Variants in SH3BP5 observed in about 807,000 individuals in gnomAD.
The protein encoded by SH3BP5 is SH3 domain binding protein 5.
Under a neutral mutation model 43.3 loss-of-function variants are expected in SH3BP5, and 22 were observed. That is an observed-to-expected ratio of 0.51 (90% CI 0.36 to 0.73). SH3BP5 has a LOEUF of 0.73. Ranked by LOEUF, SH3BP5 falls within the 30% of genes least tolerant of loss-of-function variation. The pLI is 0.00. For synonymous variants in SH3BP5, 255 were observed against 225.8 expected (o/e 1.13, Z -1.16); for missense variants, 529 against 586.9 (o/e 0.90, Z 1.02).
At chr3:15,262,411 G>A in intron 4 of SH3BP5, 122 bp from the exon 5 acceptor site, 1 of 1,271,902 alleles carries the variant, frequency 7.9e-7, no homozygotes, top group Non-Finnish European at 1.1e-6. Context: ...TGTAATCCCA[G>A]CACTTTGGGA....
intron 6 of SH3BP5, chr3:15,259,314 A>C: frequency 1.8e-6 from 1 of 560,120 alleles, no homozygotes; most frequent in Non-Finnish European, 3.2e-6. Context: ...GGGAAGCAAA[A>C]ATGGGCATCA....
intron 3 of SH3BP5, among the ~76,000 whole-genome samples, chr3:15,286,081 C>T (rs1464024030): frequency 6.6e-6 from 1 of 152,218 alleles, no homozygotes; most frequent in Admixed American, 6.5e-5. Context: ...AGTGGGAAGA[C>T]GCTCGGCATG....
intron 2 of SH3BP5, among the ~76,000 whole-genome samples, chr3:15,304,652 TA>T (rs10707360): frequency 0.56 from 84,422 of 151,612 alleles, 24,046 homozygotes; most frequent in East Asian, 0.82. Context: ...CCATCTCTAC[TA>T]AAAATACAAA....
rs1240447938 is a variant in SH3BP5, at chr3:15,254,897, A to AC, written c.*1188dup. 2 of 152,230 alleles carry AC rather than the reference A, an allele frequency of 1.3e-5. No individual in the cohort carries two copies. The highest frequency in any genetic ancestry group is 4.8e-5 in the African/African-American group (2 of 41,446). The allele number at this position is 152,230 out of a possible 1,614,324, so 9.4% of individuals were successfully genotyped here. A position where few individuals can be genotyped will look rare whatever the true frequency, so the allele number is the denominator to read the frequency against. ...TTACACTTAGTGTATTAAGACAAGT[A>AC]CAAAATAACCTTGTAATTAAGATAC... On this transcript the variant is annotated 3_prime_UTR_variant, in exon 9 of 9. Coordinates refer to ENST00000383791, the MANE Select transcript of SH3BP5 (RefSeq NM_004844.5).
chr3:15,320,635 C>CACACACACACACACACACACACACACAT (rs773355544), intron 2 of SH3BP5, among the ~76,000 whole-genome samples: 1 of 151,046 alleles, frequency 6.6e-6, no homozygotes, highest in Non-Finnish European at 1.5e-5. Flanking sequence ...CACACACACA[C>CACACACACACACACACACACACACACAT]ACACACCCCA....
intron 3 of SH3BP5, among the ~76,000 whole-genome samples, chr3:15,282,617 A>G (rs1437110025): frequency 6.6e-6 from 1 of 151,696 alleles, no homozygotes; most frequent in East Asian, 1.9e-4. Context: ...GTTTTAAACC[A>G]ATCACAATAA....
chr3:15,331,178 A>G (rs1346735732), intron 1 of SH3BP5, among the ~76,000 whole-genome samples: 1 of 152,240 alleles, frequency 6.6e-6, no homozygotes, highest in Non-Finnish European at 1.5e-5. Context: ...TTACTATGCA[A>G]ACAAAGGATC....
intron 2 of SH3BP5, among the ~76,000 whole-genome samples, chr3:15,317,487 G>A (rs1698213268): frequency 6.6e-6 from 1 of 152,216 alleles, no homozygotes; most frequent in African/African-American, 2.4e-5. Context: ...GATATGACCA[G>A]AAGGAACAAC....
chr3:15,277,564 T>C (rs1697006753), intron 3 of SH3BP5, among the ~76,000 whole-genome samples: 1 of 152,120 alleles, frequency 6.6e-6, no homozygotes, highest in Non-Finnish European at 1.5e-5. Flanking sequence ...CCCTCATGCC[T>C]GCCTGAGCTT....
chr3:15,332,971 T>G, upstream of SH3BP5: 1 of 558,160 alleles, frequency 1.8e-6, no homozygotes, highest in Non-Finnish European at 2.3e-6. Context: ...CAAAGCACAC[T>G]CATCCTCTTG....
rs141420725 is a variant in SH3BP5, at chr3:15,262,668, A to G, written c.496-379T>C. ...GAGACTCTGTCTCAAAAATAAAAAT[A>G]CTCTTTGGGCCAGGCACGGTGGCTC... On this transcript the variant is annotated intron_variant, in intron 4 of 8. Coordinates refer to ENST00000383791, the MANE Select transcript of SH3BP5 (RefSeq NM_004844.5). Among the ~76,000 whole-genome samples the G allele has an allele frequency of 9.4e-5, 14 of 149,596 alleles. No homozygotes were observed. In the South Asian group the frequency reaches 1.1e-3, roughly 11 times the overall value.
At chr3:15,327,142 C>A (rs893421988) in intron 2 of SH3BP5, among the ~76,000 whole-genome samples, 3 of 151,858 alleles carry the variant, frequency 2.0e-5, no homozygotes, top group East Asian at 3.9e-4. Context: ...ACAGCAGTGG[C>A]GGTGGGGAGG....
chr3:15,270,846 A>T, intron 3 of SH3BP5, among the ~76,000 whole-genome samples: 1 of 151,464 alleles, frequency 6.6e-6, no homozygotes, highest in African/African-American at 2.4e-5. Context: ...GAATCACTTG[A>T]ACTCAAGAGG....
chr3:15,292,379 T>C (rs1697436702), intron 3 of SH3BP5, among the ~76,000 whole-genome samples: 1 of 151,898 alleles, frequency 6.6e-6, no homozygotes, highest in Non-Finnish European at 1.5e-5. Flanking sequence ...GCAAAGGAGA[T>C]AAGAAAAAGG....
chr3:15,326,915 G>C (rs907295053), intron 2 of SH3BP5, among the ~76,000 whole-genome samples: 7 of 152,190 alleles, frequency 4.6e-5, no homozygotes, highest in African/African-American at 1.7e-4. Context: ...ATAGTATATA[G>C]TAAATAAAGT....
intron 3 of SH3BP5, among the ~76,000 whole-genome samples, chr3:15,286,658 A>T (rs1449428558): frequency 6.6e-6 from 1 of 152,148 alleles, no homozygotes; most frequent in Non-Finnish European, 1.5e-5. Context: ...GGCTCCAGAG[A>T]TCCCACCACC....
chr3:15,289,996 T>C (rs1161275231), intron 3 of SH3BP5, among the ~76,000 whole-genome samples: 1 of 152,196 alleles, frequency 6.6e-6, no homozygotes, highest in African/African-American at 2.4e-5. Flanking sequence ...CTTTTAGAAA[T>C]AACACCAAGC....
chr3:15,293,289 G>C (rs951215752), intron 3 of SH3BP5, among the ~76,000 whole-genome samples: 2 of 152,250 alleles, frequency 1.3e-5, no homozygotes, highest in African/African-American at 2.4e-5. Flanking sequence ...AATGTGACCA[G>C]GGCCACAGGG....
intron 5 of SH3BP5, 184 bp from the exon 6 acceptor site, chr3:15,259,987 A>C (rs780140137): frequency 9.6e-6 from 6 of 627,554 alleles, no homozygotes; most frequent in Non-Finnish European, 1.7e-5. Flanking sequence ...CAGACACCAG[A>C]TGGAACGACT....
Sources: allele counts gnomAD v4.1 joint callset (sites outside exome capture counted in the v4.1 genomes callset), GRCh38; gene constraint gnomAD v4.1.1; transcripts MANE v1.5; gene names NCBI Gene and HGNC (gene_info 2026-07-23, HGNC 2026-07-21).